The following TBC1D5 variants were observed in gnomAD, a reference collection of about 807,000 sequenced individuals.
The protein encoded by TBC1D5 is TBC1 domain family member 5.
A neutral mutation model predicts 100.3 loss-of-function variants in TBC1D5; 75 were observed. The ratio of observed to expected loss-of-function variants is 0.75; its 90% CI spans 0.62 to 0.91. The LOEUF (loss-of-function observed/expected upper bound fraction) is 0.91, where lower values mean the gene tolerates loss of function less well. Ranked by LOEUF, TBC1D5 falls within the 40% of genes least tolerant of loss-of-function variation. The probability of loss-of-function intolerance (pLI) is 0.00; values close to 1 mark genes in which losing one functional copy is unlikely to be tolerated. For synonymous variants in TBC1D5, 323 were observed against 325.6 expected (o/e 0.99, Z 0.09); for missense variants, 910 against 942.4 (o/e 0.97, Z 0.45).
In TBC1D5 at chr3:17,651,513, A is replaced by C. The variant is rs140670334; in HGVS notation, c.-100-27600T>G. On this transcript the variant is annotated intron_variant, in intron 1 of 21. Transcript: ENST00000253692. ...TTACTCCTTGTCCATATTCAAGACC[A>C]GTCTGGCCAACATGGTGAAACACCG... Among the ~76,000 whole-genome samples, 100 of 152,318 alleles carry C rather than the reference A, an allele frequency of 6.6e-4. 3 individuals carry two copies. The East Asian group carries it at 0.019, about 29-fold the overall frequency.
chr3:17,342,531 T>C (rs28408438), intron 13 of TBC1D5, among the ~76,000 whole-genome samples: 62,068 of 152,030 alleles, frequency 0.41, 13,309 homozygotes, highest in Middle Eastern at 0.5. Flanking sequence ...ATATTTAATC[T>C]ACAACTTAAA....
intron 3 of TBC1D5, among the ~76,000 whole-genome samples, chr3:17,455,887 T>C (rs2095073019): frequency 6.6e-6 from 1 of 152,096 alleles, no homozygotes; most frequent in Non-Finnish European, 1.5e-5. Context: ...TCATATTATC[T>C]GATTTCAAAT....
intron 17 of TBC1D5, among the ~76,000 whole-genome samples, chr3:17,214,620 G>A (rs1345626850): frequency 1.3e-5 from 2 of 149,006 alleles, no homozygotes; most frequent in Non-Finnish European, 3.0e-5. Flanking sequence ...TCCAAGCATT[G>A]CACACATATA....
exon 22 of TBC1D5, chr3:17,158,778 C>T (rs1048870982): frequency 6.6e-6 from 1 of 152,176 alleles, no homozygotes; most frequent in Non-Finnish European, 1.5e-5. Context: ...GGCGAGTGAC[C>T]CTCAGCTATC....
exon 3 of TBC1D5, chr3:17,508,539 G>A: frequency 6.2e-7 from 1 of 1,613,640 alleles, no homozygotes; most frequent in South Asian, 1.1e-5. Context: ...TGGCTGCAGA[G>A]GATGTCTAGT....
In TBC1D5 at chr3:17,358,901, A is replaced by G. The variant is rs560719455; in HGVS notation, c.995+13174T>C. Among the ~76,000 whole-genome samples the G allele has an allele frequency of 2.0e-5, 3 of 152,254 alleles. No individual in the cohort carries two copies. The South Asian group carries it at 6.2e-4, about 32-fold the overall frequency. ...AAAAAATCATTGAAAAATATCTAAC[A>G]ATAATTCGTGTAAAATGACAATAAA... On this transcript the variant is annotated intron_variant, in intron 13 of 21. Transcript: ENST00000253692.
chr3:17,256,870 C>T (rs548384026), intron 16 of TBC1D5, among the ~76,000 whole-genome samples: 37 of 152,202 alleles, frequency 2.4e-4, no homozygotes, highest in Admixed American at 2.0e-3. Flanking sequence ...GACATTTAGG[C>T]TGAGCTTTAA....
At chr3:17,161,242 C>A in exon 22 of TBC1D5, 1 of 1,611,878 alleles carries the variant, frequency 6.2e-7, no homozygotes, top group South Asian at 1.1e-5. Flanking sequence ...TGCACCCTGG[C>A]GTTTCTGAAG....
intron 13 of TBC1D5, among the ~76,000 whole-genome samples, chr3:17,313,653 CATAAATCTCCTAATACATTT>C (rs1379470585): frequency 6.6e-6 from 1 of 152,162 alleles, no homozygotes; most frequent in African/African-American, 2.4e-5. Context: ...ACTTCCTCTG[CATAAATCTCCTAATACATTT>C]ATACACACTG....
chr3:17,669,869 G>A lies in TBC1D5; in HGVS notation c.-100-45956C>T, dbSNP rs7652272. On this transcript the variant is annotated intron_variant, in intron 1 of 21. Coordinates refer to ENST00000253692, the Ensembl canonical transcript of TBC1D5. Reference sequence around the variant, plus strand: ...GGTATATATCTTTAACCGTCCTCTCGACTGTCCCATGTTTTTTGTTTGTTT... The same window carrying A: ...GGTATATATCTTTAACCGTCCTCTCAACTGTCCCATGTTTTTTGTTTGTTT... Among the ~76,000 whole-genome samples, 540 of 152,170 alleles carry A rather than the reference G, an allele frequency of 3.5e-3. 4 individuals are homozygous for A. Among genetic ancestry groups the A allele is most frequent in the African/African-American group, 0.012 (505 of 41,510 alleles).
At chr3:17,203,774 C>T (rs1460286941) in intron 18 of TBC1D5, among the ~76,000 whole-genome samples, 1 of 152,330 alleles carries the variant, frequency 6.6e-6, no homozygotes, top group East Asian at 1.9e-4. Flanking sequence ...CCTCCCCAGC[C>T]ATGCTTCCTG....
In TBC1D5 at chr3:17,580,805, AC is replaced by A. The variant is rs568029736; in HGVS notation, c.-36+43043del. Among the ~76,000 whole-genome samples the A allele has an allele frequency of 3.3e-5, 5 of 152,314 alleles. No individual in the cohort carries two copies. In the South Asian group the frequency reaches 1.0e-3, roughly 32 times the overall value. ...ACATCACTTTCAGATATTCTGAAAG[AC>A]CAATGAGTTTTCCTCTTAACCTCAC... On this transcript the variant is annotated intron_variant, in intron 2 of 21. Transcript: ENST00000253692.
At chr3:17,544,605 C>T (rs1409991284) in intron 2 of TBC1D5, among the ~76,000 whole-genome samples, 2 of 146,302 alleles carry the variant, frequency 1.4e-5, no homozygotes, top group East Asian at 2.0e-4. Context: ...GAGCCGAGAT[C>T]GCGCCACTGC....
chr3:17,238,477 ATAAT>A, intron 16 of TBC1D5, 58 bp from the exon 17 acceptor site: 1 of 1,546,228 alleles, frequency 6.5e-7, no homozygotes, highest in South Asian at 1.3e-5. Flanking sequence ...TCTATTTCAC[ATAAT>A]TAATTGGTAT....
At chr3:17,259,595 G>T (rs1463218) in intron 15 of TBC1D5, among the ~76,000 whole-genome samples, 1 of 151,536 alleles carries the variant, frequency 6.6e-6, no homozygotes, top group African/African-American at 2.4e-5. Context: ...CTTCCTTTGA[G>T]ATACATATCT....
At chr3:17,524,893 G>C (rs962179801) in intron 2 of TBC1D5, among the ~76,000 whole-genome samples, 2 of 150,238 alleles carry the variant, frequency 1.3e-5, no homozygotes. Context: ...CATACATAAA[G>C]GTAATCTAGA....
intron 1 of TBC1D5, among the ~76,000 whole-genome samples, chr3:17,649,475 G>C (rs1208402114): frequency 6.6e-6 from 1 of 151,936 alleles, no homozygotes; most frequent in African/African-American, 2.4e-5. Flanking sequence ...TAAAATAAAA[G>C]TTAAAAAATA....
intron 3 of TBC1D5, among the ~76,000 whole-genome samples, chr3:17,470,518 T>C (rs1243008366): frequency 2.6e-5 from 4 of 152,172 alleles, no homozygotes; most frequent in Admixed American, 2.6e-4. Flanking sequence ...TCAATCTATA[T>C]TGGTGTTATA....
chr3:17,571,360 A>T (rs966506463), intron 2 of TBC1D5, among the ~76,000 whole-genome samples: 2 of 151,962 alleles, frequency 1.3e-5, no homozygotes, highest in African/African-American at 2.4e-5. Flanking sequence ...ACACGATTGG[A>T]TTTCAAAATA....
Sources: gnomAD v4.1 joint callset for allele counts (sites outside exome capture counted in the v4.1 genomes callset) on GRCh38, gnomAD v4.1.1 for gene constraint, MANE v1.5 for transcripts, NCBI Gene and HGNC (gene_info 2026-07-23, HGNC 2026-07-21) for gene names.